ABCC1: variants seen among roughly 807,000 people sequenced by gnomAD.
ABCC1 encodes the protein multidrug resistance-associated protein 1.
A neutral mutation model predicts 172.9 loss-of-function variants in ABCC1; 83 were observed. The ratio of observed to expected loss-of-function variants is 0.48; its 90% CI spans 0.40 to 0.58. ABCC1 has a LOEUF of 0.58. ABCC1 is among the 20% of genes least tolerant of loss of function. The pLI is 0.00. For missense variants in ABCC1, 1,817 were observed against 2,002.7 expected (o/e 0.91, Z 1.77); for synonymous variants, 937 against 825.2 (o/e 1.14, Z -2.32).
intron 19 of ABCC1, among the ~76,000 whole-genome samples, chr16:16,102,000 G>C (rs186815167): frequency 6.4e-4 from 98 of 152,256 alleles, no homozygotes; most frequent in African/African-American, 2.1e-3. Flanking sequence ...AGCTCACCTG[G>C]TTGTTGGCAG....
intron 23 of ABCC1, among the ~76,000 whole-genome samples, chr16:16,119,672 C>T: frequency 6.6e-6 from 1 of 152,156 alleles, no homozygotes; most frequent in African/African-American, 2.4e-5. Context: ...GCCAGGGTGA[C>T]AGAGCGAGAC....
intron 23 of ABCC1, among the ~76,000 whole-genome samples, chr16:16,119,269 G>A (rs755143328): frequency 5.3e-5 from 8 of 152,014 alleles, no homozygotes; most frequent in Admixed American, 4.6e-4. Context: ...GGGAAAACCT[G>A]GTCTCTACAG....
chr16:16,115,098 T>G (rs750634282), intron 23 of ABCC1, 22 bp downstream of exon 23: 1 of 1,609,018 alleles, frequency 6.2e-7, no homozygotes, highest in Non-Finnish European at 8.5e-7. Flanking sequence ...GGTCTTAGTG[T>G]TCGGGACAAG....
intron 7 of ABCC1, 70 bp from the exon 8 acceptor site, chr16:16,044,380 G>T (rs2049111799): frequency 1.5e-6 from 2 of 1,351,328 alleles, no homozygotes; most frequent in African/African-American, 1.5e-5. Context: ...ACATTCCCTG[G>T]CCATGTCCCT....
At chr16:15,979,160 G>T (rs776154179) in intron 1 of ABCC1, among the ~76,000 whole-genome samples, 3 of 151,958 alleles carry the variant, frequency 2.0e-5, no homozygotes, top group African/African-American at 7.3e-5. Context: ...GTGTGGTGGT[G>T]TGTGCCTGTA....
intron 6 of ABCC1, 71 bp downstream of exon 6, chr16:16,033,241 A>G (rs564253668): frequency 2.8e-6 from 4 of 1,449,036 alleles, no homozygotes; most frequent in East Asian, 4.5e-5. Context: ...ACGAATGAAC[A>G]TGCTCAGCTC....
At chr16:16,073,015 CA>C (rs1281349619) in intron 14 of ABCC1, among the ~76,000 whole-genome samples, 1 of 143,986 alleles carries the variant, frequency 6.9e-6, no homozygotes, top group Non-Finnish European at 1.5e-5. Context: ...GCACTCCAGC[CA>C]GGGCAAAGAG....
chr16:15,973,967 AGAGT>A (rs2046428166), intron 1 of ABCC1, among the ~76,000 whole-genome samples: 1 of 152,140 alleles, frequency 6.6e-6, no homozygotes, highest in Non-Finnish European at 1.5e-5. Context: ...CTTGGGTGAC[AGAGT>A]GAGACCCTGT....
intron 22 of ABCC1, among the ~76,000 whole-genome samples, chr16:16,113,037 A>C (rs1360552299): frequency 6.6e-6 from 1 of 152,130 alleles, no homozygotes; most frequent in Non-Finnish European, 1.5e-5. Context: ...TGTTCCTAGG[A>C]AGTTGCTGCT....
intron 30 of ABCC1, 142 bp from the exon 31 acceptor site, chr16:16,141,031 C>A: frequency 1.5e-6 from 1 of 669,554 alleles, no homozygotes; most frequent in Non-Finnish European, 2.6e-6. Flanking sequence ...GGTGAGCAAC[C>A]AGCTGGAAGG....
intron 1 of ABCC1, among the ~76,000 whole-genome samples, chr16:15,997,916 C>G (rs552210772): frequency 6.8e-6 from 1 of 146,372 alleles, no homozygotes; most frequent in East Asian, 2.0e-4. Context: ...TGGGTTTAAG[C>G]GATTCTTGTG....
chr16:16,069,147 A>T (rs1049877348), intron 13 of ABCC1, among the ~76,000 whole-genome samples: 41 of 143,328 alleles, frequency 2.9e-4, no homozygotes, highest in Non-Finnish European at 3.7e-4. Context: ...GTATGTAAAA[A>T]AAAATAAAAT....
intron 1 of ABCC1, among the ~76,000 whole-genome samples, chr16:15,995,456 A>T (rs567477422): frequency 6.6e-6 from 1 of 152,176 alleles, no homozygotes; most frequent in South Asian, 2.1e-4. Flanking sequence ...ACCCACCATT[A>T]TGCTTCACCC....
At chr16:15,963,952 T>C (rs1392572658) in intron 1 of ABCC1, among the ~76,000 whole-genome samples, 1 of 152,158 alleles carries the variant, frequency 6.6e-6, no homozygotes, top group African/African-American at 2.4e-5. Context: ...TCCACACTTT[T>C]TTTTTTTTTG....
chr16:16,141,372 A>T lies in ABCC1; in HGVS notation c.*91A>T. On this transcript the variant is annotated 3_prime_UTR_variant, in exon 31 of 31. Transcript: ENST00000399410. ...GTACCCCTGGTAAACCAAGCCTCCC[A>T]CACTGAAACCAAAACATAAAAACCA... 8.2e-7 allele frequency: 1 copy of T among 1,212,138 alleles called. No individual in the cohort carries two copies. The highest frequency in any genetic ancestry group is 1.2e-6 in the Non-Finnish European group (1 of 843,808). 75.1% of individuals were successfully genotyped at this position (1,212,138 alleles called of 1,614,324 possible). A position where few individuals can be genotyped will look rare whatever the true frequency, so the allele number is the denominator to read the frequency against.
In ABCC1 at chr16:16,016,576, T is replaced by G. The variant is rs1487530329; in HGVS notation, c.570T>G (p.Cys190Trp). The G allele has an allele frequency of 1.2e-6, 2 of 1,614,216 alleles. No individual in the cohort carries two copies. The highest frequency in any genetic ancestry group is 8.5e-7 in the Non-Finnish European group (1 of 1,180,042). ...TACTCATTCAGCTCGTCTTGTCCTGTTTCTCAGATCGCTCACCCCTGTTCT... is the reference window on the plus strand; with the variant it reads ...TACTCATTCAGCTCGTCTTGTCCTGGTTCTCAGATCGCTCACCCCTGTTCT... ...SLLLIQLVLS[C>W]FSDRSPLFSE... The change falls in exon 5 of 31, where the codon TGT (cysteine) becomes TGG (tryptophan). Residue 190 changes from cysteine (C) to tryptophan (W), a missense_variant. Transcript: ENST00000399410.
At chr16:16,045,515 G>A (rs568034818) in intron 8 of ABCC1, among the ~76,000 whole-genome samples, 1 of 151,946 alleles carries the variant, frequency 6.6e-6, no homozygotes, top group East Asian at 1.9e-4. Context: ...CTGTGACTCA[G>A]GGGCTACACA....
At chr16:15,986,364 G>A (rs1052319919) in intron 1 of ABCC1, among the ~76,000 whole-genome samples, 9 of 152,168 alleles carry the variant, frequency 5.9e-5, no homozygotes, top group African/African-American at 1.9e-4. Flanking sequence ...AACCAGTAGC[G>A]AGCAGTCTGT....
intron 6 of ABCC1, 134 bp from the exon 7 acceptor site, chr16:16,036,338 G>A: frequency 4.1e-6 from 3 of 730,304 alleles, no homozygotes; most frequent in Non-Finnish European, 6.5e-6. Context: ...CTGCATGGCT[G>A]CCTTCATTTG....
Sources: gnomAD v4.1 joint callset for allele counts (sites outside exome capture counted in the v4.1 genomes callset) on GRCh38, gnomAD v4.1.1 for gene constraint, MANE v1.5 for transcripts, NCBI Gene and HGNC (gene_info 2026-07-23, HGNC 2026-07-21) for gene names.